MTFR1: variants seen among roughly 807,000 people sequenced by gnomAD.
The protein encoded by MTFR1 is mitochondrial fission regulator 1, also known as chondrocyte protein with a poly-proline region.
Under a neutral mutation model 38.8 loss-of-function variants are expected in MTFR1, and 28 were observed. The ratio of observed to expected loss-of-function variants is 0.72; its 90% CI spans 0.53 to 0.99. The LOEUF is 0.99. Among genes scored for constraint, MTFR1 ranks in the 50% least tolerant of loss-of-function variants. MTFR1 has a pLI of 0.00. For synonymous variants in MTFR1, 145 were observed against 137.0 expected (o/e 1.06, Z -0.41); for missense variants, 358 against 395.5 (o/e 0.91, Z 0.81).
chr8:65,774,383 G>A (rs987049364), downstream of MTFR1, among the ~76,000 whole-genome samples: 2 of 152,052 alleles, frequency 1.3e-5, no homozygotes, highest in Non-Finnish European at 2.9e-5. Context: ...TAATCAGAAA[G>A]TTTAAAGAGC....
chr8:65,734,673 C>T (rs933514341), intron 3 of MTFR1: 5 of 644,416 alleles, frequency 7.8e-6, no homozygotes, highest in African/African-American at 1.8e-5. Context: ...AGCTAGATCT[C>T]ATTCTTGTGA....
intron 5 of MTFR1, among the ~76,000 whole-genome samples, chr8:65,705,759 G>A (rs1805764845): frequency 6.6e-6 from 1 of 152,302 alleles, no homozygotes; most frequent in Non-Finnish European, 1.5e-5. Flanking sequence ...AATATGGAAA[G>A]TATATAAAAT....
intron 2 of MTFR1, 69 bp downstream of exon 2, chr8:65,670,087 GAAAT>G (rs1283828756): frequency 3.7e-6 from 5 of 1,347,712 alleles, no homozygotes; most frequent in South Asian, 1.3e-5. Context: ...CTGAGAAAAT[GAAAT>G]AAATCTATAT....
At chr8:65,659,457 G>A (rs548790190) in intron 1 of MTFR1, among the ~76,000 whole-genome samples, 5 of 144,372 alleles carry the variant, frequency 3.5e-5, no homozygotes, top group East Asian at 4.1e-4. Context: ...TCCCTGACAC[G>A]TAGTCTTTGC....
intron 3 of MTFR1, among the ~76,000 whole-genome samples, chr8:65,729,123 TCTGTTAAGAG>T (rs1290779224): frequency 6.6e-6 from 1 of 152,156 alleles, no homozygotes; most frequent in African/African-American, 2.4e-5. Context: ...TGTGATTACA[TCTGTTAAGAG>T]CTGACAACAA....
At chr8:65,730,725 C>A (rs187326193) in intron 3 of MTFR1, among the ~76,000 whole-genome samples, 1 of 151,998 alleles carries the variant, frequency 6.6e-6, no homozygotes, top group South Asian at 2.1e-4. Context: ...GTCAGGAGTT[C>A]GAGACTAGCC....
intron 3 of MTFR1, chr8:65,689,583 C>G: frequency 7.8e-7 from 1 of 1,275,652 alleles, no homozygotes. Context: ...AGGACAGGAC[C>G]TTGCTGGGAA....
At chr8:65,659,598 T>G (rs1178480311) in intron 1 of MTFR1, among the ~76,000 whole-genome samples, 1 of 152,098 alleles carries the variant, frequency 6.6e-6, no homozygotes, top group Non-Finnish European at 1.5e-5. Context: ...ATGTGCAGTT[T>G]CGGGGTAACA....
At chr8:65,759,404 C>G (rs1035938225) in intron 3 of MTFR1, among the ~76,000 whole-genome samples, 1 of 152,212 alleles carries the variant, frequency 6.6e-6, no homozygotes, top group African/African-American at 2.4e-5. Flanking sequence ...ACGAGAACAC[C>G]AAGGTCCCCA....
intron 3 of MTFR1, chr8:65,728,051 C>T (rs1355504008): frequency 1.3e-5 from 2 of 152,124 alleles, no homozygotes; most frequent in Non-Finnish European, 2.9e-5. Context: ...CATGAAATGC[C>T]TCTCATTTTC....
intron 3 of MTFR1, chr8:65,727,199 T>C (rs757103719): frequency 3.1e-6 from 5 of 1,611,992 alleles, no homozygotes; most frequent in Non-Finnish European, 4.2e-6. Context: ...TAATGGTTAG[T>C]TTTAATAAGG....
At chr8:65,686,612 A>G (rs1406089942) in intron 3 of MTFR1, among the ~76,000 whole-genome samples, 2 of 148,404 alleles carry the variant, frequency 1.3e-5, no homozygotes, top group African/African-American at 2.5e-5. Context: ...GCACTGTGAA[A>G]TAGTAGTTTT....
intron 3 of MTFR1, chr8:65,728,388 C>T (rs1806695588): frequency 6.6e-6 from 1 of 152,100 alleles, no homozygotes; most frequent in African/African-American, 2.4e-5. Flanking sequence ...TTTCTACTCC[C>T]TGTGTTAAGT....
chr8:65,705,332 C>T (rs1200446139), intron 5 of MTFR1, among the ~76,000 whole-genome samples: 1 of 151,976 alleles, frequency 6.6e-6, no homozygotes, highest in Non-Finnish European at 1.5e-5. Context: ...CAAAACTAAA[C>T]AAAAAACAAA....
chr8:65,714,853 T>G (rs986907687), downstream of MTFR1: 1 of 152,234 alleles, frequency 6.6e-6, no homozygotes, highest in African/African-American at 2.4e-5. Flanking sequence ...CTCTAATCTG[T>G]ACCTCAGGTA....
upstream of MTFR1, among the ~76,000 whole-genome samples, chr8:65,644,494 T>TC (rs1383735313): frequency 1.3e-5 from 2 of 152,160 alleles, no homozygotes; most frequent in Non-Finnish European, 2.9e-5. Context: ...CAAAAGCACT[T>TC]CCCAGGACAG....
chr8:65,765,260 C>T (rs1445626654), intron 3 of MTFR1, among the ~76,000 whole-genome samples: 5 of 151,626 alleles, frequency 3.3e-5, no homozygotes, highest in East Asian at 3.9e-4. Context: ...GAGGCCGAGG[C>T]GGGCGGATCA....
intron 3 of MTFR1, among the ~76,000 whole-genome samples, chr8:65,770,266 C>T (rs1809019796): frequency 6.6e-6 from 1 of 151,956 alleles, no homozygotes; most frequent in Non-Finnish European, 1.5e-5. Context: ...TAAAGACATA[C>T]CTGAGACTGG....
At chr8:65,761,638 T>C (rs1027019412) in intron 3 of MTFR1, among the ~76,000 whole-genome samples, 6 of 152,238 alleles carry the variant, frequency 3.9e-5, no homozygotes, top group African/African-American at 1.2e-4. Flanking sequence ...TACTTCACTA[T>C]GTGACCAAGA....
Sources: gnomAD v4.1 joint callset for allele counts (sites outside exome capture counted in the v4.1 genomes callset) on GRCh38, gnomAD v4.1.1 for gene constraint, MANE v1.5 for transcripts, NCBI Gene and HGNC (gene_info 2026-07-23, HGNC 2026-07-21) for gene names.